The following NLGN3 variants were observed in gnomAD, a reference collection of about 807,000 sequenced individuals.
The protein encoded by NLGN3 is neuroligin 3, also known as neuroligin-3.
A neutral mutation model predicts 42.9 loss-of-function variants in NLGN3; 11 were observed. The observed-to-expected ratio is 0.26, with a 90% confidence interval of 0.16 to 0.42. The LOEUF (loss-of-function observed/expected upper bound fraction) is 0.42. NLGN3 is among the 10% of genes least tolerant of loss of function. NLGN3 has a pLI of 1.00. For synonymous variants in NLGN3, 279 were observed against 312.7 expected (o/e 0.89, Z 1.14); for missense variants, 374 against 733.8 (o/e 0.51, Z 5.67).
Position 71,164,034 on chromosome X carries a change from T to C in NLGN3, c.728-109T>C, listed in dbSNP as rs1284995276. ...GTTAACTATGTGGGAAGAACTACACTGCGTGCTCATTCTCTATTCCCACCT... is the reference window on the plus strand; with the variant it reads ...GTTAACTATGTGGGAAGAACTACACCGCGTGCTCATTCTCTATTCCCACCT... On this transcript the variant is annotated intron_variant, in intron 5 of 7. Transcript: ENST00000358741. 4.4e-6 allele frequency: 3 copies of C among 688,434 alleles called. No homozygotes were observed. The African/African-American group carries it at 6.4e-5, about 15-fold the overall frequency. The allele number at this position is 688,434 out of a possible 1,213,427, so 56.7% of individuals were successfully genotyped here.
Position 71,170,976 on chromosome X carries a change from T to C in NLGN3, c.*879T>C, listed in dbSNP as rs867359285. ...CCAGGTCTGATCTGGGTTTTGCCTC[T>C]GCCCTTGGGGAAATGCTATCAGAAA... On this transcript the variant is annotated 3_prime_UTR_variant, in exon 8 of 8. Transcript: ENST00000358741. 1 of 754,796 alleles carries C rather than the reference T, an allele frequency of 1.3e-6. No individual in the cohort carries two copies. Among genetic ancestry groups the C allele is most frequent in the Non-Finnish European group, 1.6e-6 (1 of 639,408 alleles). The allele number at this position is 754,796 out of a possible 1,213,427, so 62.2% of individuals were successfully genotyped here.
chrX:71,169,768 C>T lies in NLGN3; in HGVS notation c.2218C>T (p.Pro740Ser). Reference sequence around the variant, plus strand: ...CCGTAAGGACAAACGGCGCCAGGAGCCCCTGCGGCAGCCTAGCCCTCAGCG... The same window carrying T: ...CCGTAAGGACAAACGGCGCCAGGAGTCCCTGCGGCAGCCTAGCCCTCAGCG... The part of the protein sequence containing the change: ...YYRKDKRRQE[P>S]LRQPSPQRGA... Residue 740 changes from proline (P) to serine (S), a missense_variant, in exon 8 of 8, where the codon CCC becomes TCC. Transcript: ENST00000358741. The T allele has an allele frequency of 8.3e-7, 1 of 1,211,418 alleles. No homozygotes were observed.
downstream of NLGN3, among the ~76,000 whole-genome samples, chrX:71,174,024 A>G (rs1343200623): frequency 8.9e-6 from 1 of 111,764 alleles, no homozygotes; most frequent in Non-Finnish European, 1.9e-5. Context: ...CAGCTCATGA[A>G]GATCTTCACA....
chrX:71,159,298 G>A (rs2092421117), intron 5 of NLGN3, among the ~76,000 whole-genome samples: 1 of 108,915 alleles, frequency 9.2e-6, no homozygotes, highest in South Asian at 4.0e-4. Context: ...TCTAGCCTGG[G>A]CAACAGAGTG....
chrX:71,168,049 G>A (rs181419835), intron 7 of NLGN3, among the ~76,000 whole-genome samples: 1 of 111,495 alleles, frequency 9.0e-6, no homozygotes, highest in Non-Finnish European at 1.9e-5. Flanking sequence ...GTTACTGGAA[G>A]AACTATGGGA....
intron 5 of NLGN3, among the ~76,000 whole-genome samples, chrX:71,163,772 C>G (rs1361365590): frequency 8.9e-6 from 1 of 111,978 alleles, no homozygotes; most frequent in Non-Finnish European, 1.9e-5. Flanking sequence ...CCGTCTGACT[C>G]CAGGGTTTCC....
intron 3 of NLGN3, among the ~76,000 whole-genome samples, chrX:71,149,384 C>T (rs1487599520): frequency 9.0e-6 from 1 of 111,464 alleles, no homozygotes; most frequent in African/African-American, 3.3e-5. Context: ...ACACCTCTGT[C>T]TCCCACCCCA....
At chrX:71,171,675 C>T, downstream of NLGN3, 4 of 750,966 alleles carry the variant, frequency 5.3e-6, no homozygotes, top group Non-Finnish European at 6.3e-6. Flanking sequence ...ACGTGGACTC[C>T]CTGGCCTTGA....
intron 1 of NLGN3, among the ~76,000 whole-genome samples, chrX:71,146,178 C>CAG (rs2092368829): frequency 1.5e-5 from 1 of 68,956 alleles, no homozygotes; most frequent in Non-Finnish European, 2.6e-5. Flanking sequence ...CACAGACACA[C>CAG]ACACACACAC....
At chrX:71,151,224 G>T (rs1396147123) in intron 3 of NLGN3, among the ~76,000 whole-genome samples, 2 of 109,967 alleles carry the variant, frequency 1.8e-5, no homozygotes, top group African/African-American at 6.6e-5. Context: ...CAGGAGAATC[G>T]CTTGAACCCA....
chrX:71,160,170 A>G (rs1385273277), intron 5 of NLGN3, among the ~76,000 whole-genome samples: 2 of 104,465 alleles, frequency 1.9e-5, no homozygotes, highest in Non-Finnish European at 3.9e-5. Flanking sequence ...CACTGAACCC[A>G]TCAGGCGGTT....
intron 5 of NLGN3, among the ~76,000 whole-genome samples, chrX:71,156,990 C>T (rs745497161): frequency 4.5e-5 from 5 of 110,978 alleles, no homozygotes; most frequent in Non-Finnish European, 9.4e-5. Context: ...ACTAAGCACA[C>T]AGGGCCCTGC....
chrX:71,172,898 G>A (rs2092473489), downstream of NLGN3, among the ~76,000 whole-genome samples: 1 of 111,120 alleles, frequency 9.0e-6, no homozygotes, highest in African/African-American at 3.3e-5. Context: ...AATCGCAGTT[G>A]CCAAATTGAG....
intron 6 of NLGN3, 83 bp downstream of exon 6, chrX:71,164,411 G>A: frequency 1.0e-6 from 1 of 991,344 alleles, no homozygotes; most frequent in Middle Eastern, 2.7e-4. Flanking sequence ...GGGCATCCAA[G>A]GGAATCGGCC....
At chrX:71,155,557 G>A (rs1166977146) in intron 5 of NLGN3, among the ~76,000 whole-genome samples, 194 bp downstream of exon 5, 3 of 112,059 alleles carry the variant, frequency 2.7e-5, no homozygotes, top group Non-Finnish European at 5.6e-5. Context: ...TTCTTGGAAG[G>A]TTTAGATGCC....
At chrX:71,163,067 A>T (rs1286035826) in intron 5 of NLGN3, among the ~76,000 whole-genome samples, 1 of 111,075 alleles carries the variant, frequency 9.0e-6, no homozygotes, top group African/African-American at 3.3e-5. Flanking sequence ...GAAGCAGAGT[A>T]GGGGGGAATA....
intron 6 of NLGN3, among the ~76,000 whole-genome samples, chrX:71,166,801 T>C (rs779968894): frequency 3.6e-5 from 4 of 111,648 alleles, no homozygotes; most frequent in Non-Finnish European, 7.5e-5. Flanking sequence ...TTACCAGCCA[T>C]CGCACCAGGA....
intron 3 of NLGN3, 40 bp downstream of exon 3, chrX:71,148,945 G>A: frequency 2.2e-5 from 18 of 817,158 alleles, no homozygotes; most frequent in Non-Finnish European, 2.8e-5. Context: ...AGAGAGAGAG[G>A]GAGGGCTGCC....
At chrX:71,152,082 C>T (rs2092393197) in intron 3 of NLGN3, among the ~76,000 whole-genome samples, 1 of 111,430 alleles carries the variant, frequency 9.0e-6, no homozygotes, top group East Asian at 2.8e-4. Context: ...ATCTAGTCAT[C>T]AGAGTCCAGA....
Sources: gnomAD v4.1 joint callset for allele counts (sites outside exome capture counted in the v4.1 genomes callset) on GRCh38, gnomAD v4.1.1 for gene constraint, MANE v1.5 for transcripts, NCBI Gene and HGNC (gene_info 2026-07-23, HGNC 2026-07-21) for gene names.